FHOD3: variants seen among roughly 807,000 people sequenced by gnomAD.
The protein encoded by FHOD3 is FH1/FH2 domain-containing protein 3.
In FHOD3, 90 loss-of-function variants were observed where a neutral mutation model predicts 173.0. That is an observed-to-expected ratio of 0.52 (90% CI 0.44 to 0.62). The LOEUF (loss-of-function observed/expected upper bound fraction) is 0.62. Ranked by LOEUF, FHOD3 falls within the 20% of genes least tolerant of loss-of-function variation. The pLI is 0.00. For missense variants in FHOD3, 1,945 were observed against 2,034.7 expected (o/e 0.96, Z 0.85); for synonymous variants, 828 against 823.0 (o/e 1.01, Z -0.10).
chr18:36,650,298 TTGCTACTGA>T (rs1352318633), intron 11 of FHOD3, among the ~76,000 whole-genome samples: 1 of 152,150 alleles, frequency 6.6e-6, no homozygotes, highest in Admixed American at 6.5e-5. Context: ...AATGGAGTCT[TTGCTACTGA>T]TGCCTCATCT....
intron 1 of FHOD3, among the ~76,000 whole-genome samples, chr18:36,336,018 A>G (rs1056816960): frequency 2.6e-5 from 4 of 152,154 alleles, no homozygotes; most frequent in Admixed American, 6.5e-5. Flanking sequence ...ACGTGTTCTT[A>G]CACCACACAC....
chr18:36,579,963 A>G lies in FHOD3; in HGVS notation c.606+3418A>G, dbSNP rs188307272. ...GCAGAGAAAAAAAAAAACAGAAATA[A>G]CAGAAATGCATGCCATGGCTCAGAG... On this transcript the variant is annotated intron_variant, in intron 6 of 28. Transcript: ENST00000590592. Among the ~76,000 whole-genome samples, 323 of 152,256 alleles carry G rather than the reference A, an allele frequency of 2.1e-3. 1 individual carries two copies. The highest frequency in any genetic ancestry group is 7.4e-3 in the African/African-American group (306 of 41,564).
At chr18:36,726,497 C>T (rs2041078072) in intron 19 of FHOD3, among the ~76,000 whole-genome samples, 1 of 152,132 alleles carries the variant, frequency 6.6e-6, no homozygotes, top group Non-Finnish European at 1.5e-5. Context: ...ATGCCATCCC[C>T]TTCAAGAAAG....
chr18:36,575,080 C>A (rs182451287), intron 5 of FHOD3, among the ~76,000 whole-genome samples: 2 of 151,872 alleles, frequency 1.3e-5, no homozygotes, highest in African/African-American at 4.8e-5. Flanking sequence ...AAGCAATTTT[C>A]CTGCCTCAGC....
chr18:36,662,430 A>C lies in FHOD3; in HGVS notation c.1835+4242A>C, dbSNP rs577342724. 5.3e-5 allele frequency among the ~76,000 whole-genome samples: 8 copies of C among 152,300 alleles called. No homozygotes were observed. In the South Asian group the frequency reaches 1.7e-3, roughly 32 times the overall value. On this transcript the variant is annotated intron_variant, in intron 14 of 28. Transcript: ENST00000590592. ...TTTCTCTGTGGACATGCTGTGCTGAAACCCAAAGGATCATATGCACTTTAA... is the reference window on the plus strand; with the variant it reads ...TTTCTCTGTGGACATGCTGTGCTGACACCCAAAGGATCATATGCACTTTAA...
chr18:36,592,564 A>G (rs2059259154), intron 6 of FHOD3, among the ~76,000 whole-genome samples: 3 of 152,180 alleles, frequency 2.0e-5, no homozygotes, highest in African/African-American at 7.2e-5. Context: ...CATGATGGGG[A>G]GTGATTGAGG....
At chr18:36,407,405 A>G (rs78664349) in intron 3 of FHOD3, among the ~76,000 whole-genome samples, 15,797 of 152,230 alleles carry the variant, frequency 0.1, 879 homozygotes, top group East Asian at 0.2. Flanking sequence ...AGCACTAATG[A>G]TGGTGGTAAC....
In FHOD3 at chr18:36,576,668, A is replaced by G. The variant is rs2058666720; in HGVS notation, c.606+123A>G. On this transcript the variant is annotated intron_variant, in intron 6 of 28. Coordinates refer to ENST00000590592, the MANE Select transcript of FHOD3 (RefSeq NM_001281740.3). ...CTTTTTTCAAGCCGTTACAGTATAAATGAGGATTACTACTCTACAAATTTT... is the reference window on the plus strand; with the variant it reads ...CTTTTTTCAAGCCGTTACAGTATAAGTGAGGATTACTACTCTACAAATTTT... The G allele has an allele frequency of 4.6e-6, 3 of 648,654 alleles. No homozygotes were observed. In the South Asian group the frequency reaches 6.8e-5, roughly 15 times the overall value. 40.2% of individuals were successfully genotyped at this position (648,654 alleles called of 1,614,324 possible). A position where few individuals can be genotyped will look rare whatever the true frequency, so the allele number is the denominator to read the frequency against.
intron 24 of FHOD3, among the ~76,000 whole-genome samples, chr18:36,748,362 G>A (rs12604746): frequency 0.014 from 1,998 of 138,744 alleles, 73 homozygotes; most frequent in East Asian, 0.11. Flanking sequence ...ATACACGCAC[G>A]CGCACACACA....
chr18:36,584,987 T>A (rs1272507947), intron 6 of FHOD3, among the ~76,000 whole-genome samples: 7 of 152,234 alleles, frequency 4.6e-5, no homozygotes, highest in Non-Finnish European at 7.3e-5. Flanking sequence ...TCTGATTTTT[T>A]AAATTTTTCT....
At chr18:36,425,996 G>A (rs181799094) in intron 3 of FHOD3, among the ~76,000 whole-genome samples, 17 of 151,972 alleles carry the variant, frequency 1.1e-4, no homozygotes, top group African/African-American at 3.4e-4. Context: ...TGCCTCCCGG[G>A]TTCATGCCAT....
intron 5 of FHOD3, among the ~76,000 whole-genome samples, chr18:36,547,545 A>G (rs1369195056): frequency 6.6e-6 from 1 of 152,148 alleles, no homozygotes; most frequent in Non-Finnish European, 1.5e-5. Flanking sequence ...AGCTAAGATT[A>G]TAGGCATGAG....
intron 4 of FHOD3, among the ~76,000 whole-genome samples, chr18:36,504,881 C>T (rs1205501440): frequency 1.3e-5 from 2 of 152,012 alleles, no homozygotes; most frequent in Admixed American, 6.6e-5. Flanking sequence ...GACATGATGC[C>T]ACAAGTAGAA....
chr18:36,399,967 A>T (rs930430227), intron 3 of FHOD3, among the ~76,000 whole-genome samples: 1 of 152,188 alleles, frequency 6.6e-6, no homozygotes, highest in Non-Finnish European at 1.5e-5. Context: ...GAGTTCCTTC[A>T]TTCACTGGGT....
At chr18:36,328,748 A>G (rs189229817) in intron 1 of FHOD3, among the ~76,000 whole-genome samples, 11 of 152,298 alleles carry the variant, frequency 7.2e-5, no homozygotes, top group Non-Finnish European at 1.0e-4. Flanking sequence ...TGCAGTAGAA[A>G]GTGGGAAGAG....
At chr18:36,406,582 GC>G (rs1024696579) in intron 3 of FHOD3, among the ~76,000 whole-genome samples, 7 of 152,160 alleles carry the variant, frequency 4.6e-5, no homozygotes, top group African/African-American at 1.4e-4. Context: ...TTGAAAATCT[GC>G]CCCCCGCCCT....
intron 14 of FHOD3, among the ~76,000 whole-genome samples, chr18:36,669,175 C>T (rs1186948684): frequency 6.6e-6 from 1 of 151,776 alleles, no homozygotes; most frequent in Non-Finnish European, 1.5e-5. Flanking sequence ...TTGTTATATC[C>T]TACTGATGGC....
At chr18:36,315,874 C>G (rs1173655243) in intron 1 of FHOD3, among the ~76,000 whole-genome samples, 6 of 152,104 alleles carry the variant, frequency 3.9e-5, no homozygotes, top group Non-Finnish European at 2.9e-5. Flanking sequence ...GTCTGTGACT[C>G]CTGCTTGGTG....
intron 2 of FHOD3, among the ~76,000 whole-genome samples, chr18:36,363,624 G>A (rs974308028): frequency 4.6e-5 from 7 of 152,140 alleles, no homozygotes; most frequent in Admixed American, 2.0e-4. Context: ...ATCTGTTGCC[G>A]GAGTGGGAGT....
Sources: allele counts gnomAD v4.1 joint callset (sites outside exome capture counted in the v4.1 genomes callset), GRCh38; gene constraint gnomAD v4.1.1; transcripts MANE v1.5; gene names NCBI Gene and HGNC (gene_info 2026-07-23, HGNC 2026-07-21).